URB1: variants seen among roughly 807,000 people sequenced by gnomAD.
URB1 encodes the protein nucleolar pre-ribosomal-associated protein 1.
URB1 carries 197 observed loss-of-function variants against 242.3 expected under a neutral mutation model. That is an observed-to-expected ratio of 0.81 (90% CI 0.72 to 0.91). The LOEUF is 0.91. Among genes scored for constraint, URB1 ranks in the 40% least tolerant of loss-of-function variants. The pLI, the probability that URB1 is intolerant of heterozygous loss-of-function variation, is 0.00. For missense variants in URB1, 2,721 were observed against 2,860.5 expected, an observed-to-expected ratio of 0.95 and a Z score of 1.11; for synonymous variants, 1,153 against 1,201.8, an observed-to-expected ratio of 0.96 and a Z score of 0.84.
intron 30 of URB1, among the ~76,000 whole-genome samples, chr21:32,328,581 A>G (rs932014949): frequency 2.0e-5 from 3 of 152,272 alleles, no homozygotes; most frequent in African/African-American, 7.2e-5. Flanking sequence ...ACATAAGTAC[A>G]TAACAAATAT....
rs1405989790 is a variant in URB1 at position 32,366,660 on chromosome 21, C to T, written c.1293G>A (p.Val431=). 3.2e-6 allele frequency: 5 copies of T among 1,551,358 alleles called. No homozygotes were observed. The African/African-American group carries it at 6.8e-5, about 21-fold the overall frequency. ...RLLAMVMVTT[V]PLVCNKSMFT... ...ACATGCTCTTATTGCACACCAGGGG[C>T]ACGGTGGTCACCATCACCATTGCCA... Residue 431 remains valine, a synonymous_variant, in exon 10 of 39, where the codon GTG becomes GTA. Coordinates refer to ENST00000382751, the MANE Select transcript of URB1 (RefSeq NM_014825.3).
chr21:32,349,513 G>A (rs966006002), intron 20 of URB1, 30 bp from the exon 21 acceptor site: 3 of 1,507,434 alleles, frequency 2.0e-6, no homozygotes, highest in East Asian at 5.0e-5. Context: ...AGCCTCAGCA[G>A]GGAAGAGACG....
At chr21:32,369,022 C>A (rs1431942975) in intron 8 of URB1, among the ~76,000 whole-genome samples, 1 of 152,104 alleles carries the variant, frequency 6.6e-6, no homozygotes, top group Non-Finnish European at 1.5e-5. Flanking sequence ...ATTTTACTGA[C>A]GTTCCTCCTC....
At chr21:32,391,318 T>C (rs1032549741) in intron 1 of URB1, among the ~76,000 whole-genome samples, 1 of 151,488 alleles carries the variant, frequency 6.6e-6, no homozygotes, top group Non-Finnish European at 1.5e-5. Context: ...TGTATACATA[T>C]GTAACAAAGG....
rs1320038377 is a variant in URB1 at position 32,344,563 on chromosome 21, C to T, written c.4257+7G>A. 2 of 1,551,240 alleles carry T rather than the reference C, an allele frequency of 1.3e-6. No individual in the cohort carries two copies. The highest frequency in any genetic ancestry group is 1.7e-6 in the Non-Finnish European group (2 of 1,146,644). ...TTTAATCTGGATCTCTAAGAAAAGA[C>T]ACTTACCAACAACGCATTTAATCTA... On this transcript the variant is annotated splice_region_variant and intron_variant, in intron 24 of 38. Coordinates refer to ENST00000382751, the MANE Select transcript of URB1 (RefSeq NM_014825.3).
chr21:32,381,401 C>A (rs2033523885), intron 4 of URB1, among the ~76,000 whole-genome samples: 1 of 149,256 alleles, frequency 6.7e-6, no homozygotes, highest in African/African-American at 2.5e-5. Context: ...TAATAATTTC[C>A]TCCAAAATGT....
At chr21:32,375,312 A>T in intron 6 of URB1, 86 bp downstream of exon 6, 1 of 791,364 alleles carries the variant, frequency 1.3e-6, no homozygotes, top group Non-Finnish European at 1.9e-6. Flanking sequence ...AAGATGTTGT[A>T]GCTCTACAGT....
intron 10 of URB1, 107 bp from the exon 11 acceptor site, chr21:32,363,436 G>A: frequency 2.2e-6 from 3 of 1,352,028 alleles, no homozygotes; most frequent in Non-Finnish European, 3.0e-6. Flanking sequence ...CACAGGGAAA[G>A]CTGCATGAAA....
Position 32,337,177 on chromosome 21 carries a change from C to G in URB1, c.4622-20G>C, listed in dbSNP as rs186868204. The G allele has an allele frequency of 5.8e-6, 9 of 1,551,604 alleles. No homozygotes were observed. The South Asian group carries it at 8.3e-5, about 14-fold the overall frequency. On this transcript the variant is annotated intron_variant, in intron 27 of 38. Coordinates refer to ENST00000382751, the MANE Select transcript of URB1 (RefSeq NM_014825.3). Reference sequence around the variant, plus strand: ...TCTGATCTACAAGTCAAAGCAGGATCGGTTTAGGAAGATGAACCCCTGACA... The same window carrying G: ...TCTGATCTACAAGTCAAAGCAGGATGGGTTTAGGAAGATGAACCCCTGACA...
At position 32,347,016 on chromosome 21, in the gene URB1, G is replaced by A. The variant is rs1163300954; in HGVS notation, c.3808C>T (p.Pro1270Ser). The A allele has an allele frequency of 1.3e-6, 2 of 1,547,494 alleles. No homozygotes were observed. The highest frequency in any genetic ancestry group is 8.7e-7 in the Non-Finnish European group (1 of 1,144,024). The part of the protein sequence containing the change: ...GLQGDLDDFL[P>S]LIHVYLQCRT... ...CACTGGAGGTACACATGGATGAGGG[G>A]AAGGAAGTCGTCCAGGTCCCCCTGG... The change falls in exon 22 of 39, where the codon CCC (proline) becomes TCC (serine). Residue 1270 changes from proline (P) to serine (S), a missense_variant. Physicochemically the swap from Pro to Ser is moderately conservative, Grantham distance 74. Coordinates refer to ENST00000382751, the MANE Select transcript of URB1 (RefSeq NM_014825.3).
At chr21:32,375,299 G>T (rs2033446754) in intron 6 of URB1, 99 bp downstream of exon 6, 1 of 713,290 alleles carries the variant, frequency 1.4e-6, no homozygotes, top group Non-Finnish European at 2.2e-6. Context: ...ATCTATGTAA[G>T]ATAAGATGTT....
chr21:32,386,090 A>G (rs750167775), intron 1 of URB1, among the ~76,000 whole-genome samples: 2 of 151,694 alleles, frequency 1.3e-5, no homozygotes, highest in Non-Finnish European at 2.9e-5. Flanking sequence ...CAGAGGTTAC[A>G]GTGAGCCGAG....
chr21:32,334,396 G>T (rs1385085137), intron 28 of URB1, 62 bp from the exon 29 acceptor site: 1 of 1,482,344 alleles, frequency 6.7e-7, no homozygotes, highest in African/African-American at 1.4e-5. Context: ...AATTAATCAT[G>T]ATAACAACAA....
chr21:32,363,356 A>C (rs1472118405), intron 10 of URB1, 27 bp from the exon 11 acceptor site: 3 of 1,546,166 alleles, frequency 1.9e-6, no homozygotes, highest in Admixed American at 2.0e-5. Flanking sequence ...TTAAATGCAC[A>C]CATGTCTCTA....
chr21:32,340,053 T>C (rs2033011201), intron 25 of URB1, among the ~76,000 whole-genome samples: 1 of 152,228 alleles, frequency 6.6e-6, no homozygotes, highest in African/African-American at 2.4e-5. Context: ...TTTTCAGTCC[T>C]ATACGAATAA....
intron 15 of URB1, among the ~76,000 whole-genome samples, chr21:32,355,858 AC>A (rs905688630): frequency 1.3e-5 from 2 of 152,120 alleles, no homozygotes; most frequent in African/African-American, 4.8e-5. Context: ...TGATCTGCCT[AC>A]CTTGGCCTCC....
intron 26 of URB1, 79 bp downstream of exon 26, chr21:32,338,628 G>A: frequency 6.8e-7 from 1 of 1,470,112 alleles, no homozygotes; most frequent in Non-Finnish European, 9.3e-7. Flanking sequence ...GGAGGGAGAT[G>A]AGCCTCAGTG....
chr21:32,362,113 G>T, intron 11 of URB1, 92 bp from the exon 12 acceptor site: 1 of 1,475,660 alleles, frequency 6.8e-7, no homozygotes. Context: ...AAAAAACAGG[G>T]AGGGGGGTGC....
intron 36 of URB1, among the ~76,000 whole-genome samples, chr21:32,318,552 G>C (rs1191708646): frequency 6.6e-6 from 1 of 152,190 alleles, no homozygotes; most frequent in East Asian, 1.9e-4. Context: ...AAAAGGCCTT[G>C]TTCTTTTTAT....
Sources: gnomAD v4.1 joint callset for allele counts (sites outside exome capture counted in the v4.1 genomes callset) on GRCh38, gnomAD v4.1.1 for gene constraint, MANE v1.5 for transcripts, NCBI Gene and HGNC (gene_info 2026-07-23, HGNC 2026-07-21) for gene names.